Variants in WBP2NL observed in about 807,000 individuals in gnomAD.
WBP2NL encodes postacrosomal sheath WW domain-binding protein.
Under a neutral mutation model 23.3 loss-of-function variants are expected in WBP2NL, and 27 were observed. The ratio of observed to expected loss-of-function variants is 1.16; its 90% confidence interval spans 0.85 to 1.60. WBP2NL has a LOEUF of 1.60. Among genes scored for constraint, WBP2NL ranks in the 40% most tolerant of loss-of-function variants. The pLI, the probability that WBP2NL is intolerant of heterozygous loss-of-function variation, is 0.00. For synonymous variants in WBP2NL, 151 were observed against 145.9 expected (o/e 1.03, Z -0.25); for missense variants, 370 against 389.5 (o/e 0.95, Z 0.42).
At chr22:42,044,361 G>A (rs1003292698) in intron 8 of WBP2NL, among the ~76,000 whole-genome samples, 15 of 152,026 alleles carry the variant, frequency 9.9e-5, no homozygotes, top group East Asian at 1.9e-4. Context: ...ATGTGCCACC[G>A]CGACCAGCTG....
Position 42,041,481 on chromosome 22 carries a change from T to TAAA in WBP2NL, c.*273+10679_*273+10681dup, listed in dbSNP as rs35848343. On this transcript the variant is annotated intron_variant and NMD_transcript_variant, in intron 8 of 8. Coordinates refer to the WBP2NL transcript ENST00000436265. ...TGGCAACAGGGCGAGGTTCTGTCTT[T>TAAA]AAAAAAAAAAAAAAAAAAAAAAAGT... Among the ~76,000 whole-genome samples, 121 of 112,816 alleles carry TAAA rather than the reference T, an allele frequency of 1.1e-3. 2 individuals are homozygous for TAAA. The highest frequency in any genetic ancestry group is 4.4e-3 in the African/African-American group (119 of 27,048). The allele number at this position is 112,816 out of a possible 152,430, so 74.0% of individuals were successfully genotyped here. A position where few individuals can be genotyped will look rare whatever the true frequency, so the allele number is the denominator to read the frequency against.
intron 1 of WBP2NL, among the ~76,000 whole-genome samples, chr22:42,015,625 ACTC>A (rs749782855): frequency 6.6e-6 from 1 of 151,132 alleles, no homozygotes; most frequent in Non-Finnish European, 1.5e-5. Flanking sequence ...CTGGTCTTGA[ACTC>A]CTGACCTCAG....
chr22:42,033,104 AT>A (rs536963887), downstream of WBP2NL, among the ~76,000 whole-genome samples: 24 of 152,168 alleles, frequency 1.6e-4, 2 homozygotes, highest in South Asian at 4.8e-3. Flanking sequence ...GGGAGATTGC[AT>A]GGAGTGACAA....
intron 1 of WBP2NL, among the ~76,000 whole-genome samples, chr22:42,016,960 C>T (rs892344814): frequency 6.6e-6 from 1 of 152,166 alleles, no homozygotes; most frequent in South Asian, 2.1e-4. Flanking sequence ...TTCACTGTTT[C>T]TCCTAACCTC....
downstream of WBP2NL, among the ~76,000 whole-genome samples, chr22:42,035,549 G>A (rs1925151363): frequency 1.3e-5 from 2 of 152,246 alleles, no homozygotes; most frequent in African/African-American, 2.4e-5. Flanking sequence ...TGCAGCCAGC[G>A]TGATGGCAGC....
At chr22:42,017,352 C>T (rs986097343) in intron 1 of WBP2NL, among the ~76,000 whole-genome samples, 2 of 152,090 alleles carry the variant, frequency 1.3e-5, no homozygotes, top group African/African-American at 2.4e-5. Context: ...CCAAATGATC[C>T]GCCAGCCTCG....
At chr22:42,011,800 T>A (rs898146123) in intron 1 of WBP2NL, among the ~76,000 whole-genome samples, 1 of 151,862 alleles carries the variant, frequency 6.6e-6, no homozygotes, top group African/African-American at 2.4e-5. Context: ...GGAGACAGAG[T>A]CTTACTCTGT....
intron 8 of WBP2NL, among the ~76,000 whole-genome samples, chr22:42,055,412 T>G (rs1925993628): frequency 6.6e-6 from 1 of 152,228 alleles, no homozygotes; most frequent in South Asian, 2.1e-4. Context: ...CGACCTCAGG[T>G]GATCTGCCCG....
At position 42,019,895 on chromosome 22, in the gene WBP2NL, C is replaced by A. The variant is rs879160078; in HGVS notation, c.313+92C>A. 70 of 1,594,960 alleles carry A rather than the reference C, an allele frequency of 4.4e-5. No individual in the cohort carries two copies. The South Asian group carries it at 7.7e-4, about 18-fold the overall frequency. On this transcript the variant is annotated intron_variant, in intron 3 of 5. Coordinates refer to ENST00000328823, the MANE Select transcript of WBP2NL (RefSeq NM_152613.3). Reference sequence around the variant, plus strand: ...AACTTGGCTCATGTTGAAATTCAAACAAAAGCTGCCCTACTTTGTCAGGTA... The same window carrying A: ...AACTTGGCTCATGTTGAAATTCAAAAAAAAGCTGCCCTACTTTGTCAGGTA...
chr22:42,001,306 G>T, intron 1 of WBP2NL: 1 of 692,122 alleles, frequency 1.4e-6, no homozygotes, highest in Non-Finnish European at 2.7e-6. Flanking sequence ...CAACGGCAGT[G>T]ACAGTCTGTG....
chr22:42,020,890 A>G (rs1198350938), intron 4 of WBP2NL, among the ~76,000 whole-genome samples: 6 of 48,232 alleles, frequency 1.2e-4, no homozygotes, highest in Admixed American at 4.8e-4. Flanking sequence ...ATATATATAT[A>G]TATATATATA....
chr22:42,005,187 A>G (rs571900669), intron 1 of WBP2NL, among the ~76,000 whole-genome samples: 42 of 151,374 alleles, frequency 2.8e-4, no homozygotes, highest in Non-Finnish European at 1.6e-4. Flanking sequence ...ACTGCATTTC[A>G]GCCTGGGTGA....
intron 1 of WBP2NL, chr22:42,001,723 G>A: frequency 4.9e-6 from 6 of 1,212,598 alleles, no homozygotes; most frequent in Non-Finnish European, 7.3e-6. Flanking sequence ...CCTGGGTGGG[G>A]GAAGTATCTG....
At chr22:42,018,247 G>A (rs1160492185) in intron 1 of WBP2NL, among the ~76,000 whole-genome samples, 1 of 150,512 alleles carries the variant, frequency 6.6e-6, no homozygotes, top group Non-Finnish European at 1.5e-5. Context: ...CCCAGGAGGT[G>A]GAGGTTGGTG....
chr22:42,014,454 T>G (rs1233847668), intron 1 of WBP2NL, among the ~76,000 whole-genome samples: 2 of 152,158 alleles, frequency 1.3e-5, no homozygotes, highest in African/African-American at 4.8e-5. Context: ...GTTGAACACC[T>G]GTGCTCACGC....
chr22:42,042,826 A>G (rs1392843980), intron 8 of WBP2NL, among the ~76,000 whole-genome samples: 1 of 152,116 alleles, frequency 6.6e-6, no homozygotes, highest in Non-Finnish European at 1.5e-5. Context: ...TGGGAGGCCA[A>G]GGTGGGCAGA....
chr22:42,001,238 C>G (rs1362841537), intron 1 of WBP2NL: 11 of 698,266 alleles, frequency 1.6e-5, no homozygotes, highest in Non-Finnish European at 2.4e-5. Flanking sequence ...TCCTTTGCAT[C>G]CTGACTGCAT....
downstream of WBP2NL, among the ~76,000 whole-genome samples, chr22:42,034,057 C>G (rs187138087): frequency 4.4e-3 from 667 of 152,310 alleles, 3 homozygotes; most frequent in Non-Finnish European, 7.3e-3. Flanking sequence ...CCAAGCTGCC[C>G]TCAGCTCCCC....
In WBP2NL at chr22:42,027,011, G is replaced by A. The variant is rs140763493; in HGVS notation, c.760G>A (p.Ala254Thr). ...TGGAACCCCACCTCTCGGATATGGA[G>A]CCCCACCTCTCGGATATGGAGCCCC... ...GYGTPPLGYG[A>T]PPLGYGAPPA... The change falls in exon 6 of 6, where the codon GCC (alanine) becomes ACC (threonine). Residue 254 changes from alanine (A) to threonine (T), a missense_variant. Coordinates refer to ENST00000328823, the MANE Select transcript of WBP2NL (RefSeq NM_152613.3). 1.2e-6 allele frequency: 2 copies of A among 1,610,226 alleles called. No individual in the cohort carries two copies. Among genetic ancestry groups the A allele is most frequent in the African/African-American group, 1.3e-5 (1 of 74,616 alleles).
Sources: gnomAD v4.1 joint callset for allele counts (sites outside exome capture counted in the v4.1 genomes callset) on GRCh38, gnomAD v4.1.1 for gene constraint, MANE v1.5 for transcripts, NCBI Gene and HGNC (gene_info 2026-07-23, HGNC 2026-07-21) for gene names.